Variants in TMTC2 observed in about 807,000 individuals in gnomAD.
TMTC2 encodes the protein transmembrane O-mannosyltransferase targeting cadherins 2.
A neutral mutation model predicts 82.4 loss-of-function variants in TMTC2; 43 were observed. The observed-to-expected ratio is 0.52, with a 90% CI of 0.41 to 0.67. The LOEUF is 0.67. TMTC2 is among the 30% of genes least tolerant of loss of function. The probability of loss-of-function intolerance (pLI) is 0.00; values close to 1 mark genes in which losing one functional copy is unlikely to be tolerated. For missense variants in TMTC2, 919 were observed against 1,012.4 expected (o/e 0.91, Z 1.25); for synonymous variants, 408 against 381.9 (o/e 1.07, Z -0.80).
chr12:82,932,567 C>T (rs1391687792), intron 4 of TMTC2, among the ~76,000 whole-genome samples: 3 of 151,998 alleles, frequency 2.0e-5, no homozygotes, highest in Admixed American at 6.6e-5. Flanking sequence ...TGTTATATTA[C>T]TATATTTTTT....
In TMTC2 at chr12:82,898,761, C is replaced by G. The variant is rs12299965; in HGVS notation, c.1483+2115C>G. Among the ~76,000 whole-genome samples the G allele has an allele frequency of 5.8e-3, 888 of 152,260 alleles. 15 individuals are homozygous for G. Among genetic ancestry groups the G allele is most frequent in the African/African-American group, 0.02 (843 of 41,534 alleles). Reference sequence around the variant, plus strand: ...TATTGCAGAAATTGCACACACCATGCTTGTTCACAGACCACTGGGCACACC... The same window carrying G: ...TATTGCAGAAATTGCACACACCATGGTTGTTCACAGACCACTGGGCACACC... On this transcript the variant is annotated intron_variant, in intron 3 of 11. Coordinates refer to ENST00000321196, the MANE Select transcript of TMTC2 (RefSeq NM_152588.3).
chr12:83,065,795 A>G (rs1882898742), intron 11 of TMTC2, among the ~76,000 whole-genome samples: 2 of 151,974 alleles, frequency 1.3e-5, no homozygotes, highest in Admixed American at 1.3e-4. Context: ...TCCTGTGGGA[A>G]TTAAGCCAAA....
chr12:82,869,646 C>T (rs1270020188), intron 2 of TMTC2, among the ~76,000 whole-genome samples: 1 of 151,882 alleles, frequency 6.6e-6, no homozygotes, highest in Non-Finnish European at 1.5e-5. Flanking sequence ...CGAGACCAGC[C>T]TGAGCAACAT....
intron 2 of TMTC2, among the ~76,000 whole-genome samples, chr12:82,871,363 GA>G (rs1434766074): frequency 7.8e-6 from 1 of 127,926 alleles, no homozygotes; most frequent in Non-Finnish European, 1.5e-5. Flanking sequence ...AAGAAACAAT[GA>G]TTTTTTTTTT....
chr12:82,778,643 A>G (rs1877719413), intron 1 of TMTC2, among the ~76,000 whole-genome samples: 1 of 151,962 alleles, frequency 6.6e-6, no homozygotes, highest in African/African-American at 2.4e-5. Context: ...AGGTCAGGAG[A>G]TCGAGACCAT....
intron 1 of TMTC2, among the ~76,000 whole-genome samples, chr12:82,711,008 T>C (rs1873593541): frequency 6.6e-6 from 1 of 152,236 alleles, no homozygotes; most frequent in Non-Finnish European, 1.5e-5. Flanking sequence ...TTTGGTTTCC[T>C]ACATGACATC....
At chr12:82,991,750 T>C (rs186419239) in intron 8 of TMTC2, among the ~76,000 whole-genome samples, 190 of 152,344 alleles carry the variant, frequency 1.2e-3, no homozygotes, top group Non-Finnish European at 2.2e-3. Context: ...AATTTAAAAT[T>C]GGGCATGCTA....
chr12:82,826,657 C>A (rs1869436827), intron 1 of TMTC2, among the ~76,000 whole-genome samples: 1 of 152,116 alleles, frequency 6.6e-6, no homozygotes, highest in African/African-American at 2.4e-5. Context: ...GGTAGAAAGT[C>A]TTTCTTAATT....
At chr12:82,896,759 T>G (rs1326715813) in intron 3 of TMTC2, 113 bp downstream of exon 3, 1 of 724,936 alleles carries the variant, frequency 1.4e-6, no homozygotes, top group African/African-American at 1.8e-5. Flanking sequence ...TTTTATGCAG[T>G]ACCTGTATCT....
chr12:82,804,860 A>G lies in TMTC2; in HGVS notation c.84-52150A>G, dbSNP rs1377182578. The stretch of plus-strand genomic sequence containing the variant: ...CTAAGAGTGTACATGGGCCCTACGT[A>G]AACACAGTGGATTGCTCCTGTTAGA... On this transcript the variant is annotated intron_variant, in intron 1 of 11. Transcript: ENST00000321196. 2.6e-5 allele frequency among the ~76,000 whole-genome samples: 4 copies of G among 152,156 alleles called. No homozygotes were observed. The East Asian group carries it at 7.7e-4, about 29-fold the overall frequency.
At chr12:83,108,072 T>A (rs1422557201) in intron 11 of TMTC2, among the ~76,000 whole-genome samples, 1 of 152,148 alleles carries the variant, frequency 6.6e-6, no homozygotes, top group Admixed American at 6.5e-5. Context: ...CTTCTTGCCA[T>A]AATTATGTTT....
intron 4 of TMTC2, among the ~76,000 whole-genome samples, chr12:82,936,326 A>T (rs576223686): frequency 6.6e-6 from 1 of 152,136 alleles, no homozygotes; most frequent in African/African-American, 2.4e-5. Context: ...CTTCTTATGT[A>T]TTTTTTATGA....
At chr12:83,015,911 C>A (rs1880657131) in intron 8 of TMTC2, among the ~76,000 whole-genome samples, 1 of 152,148 alleles carries the variant, frequency 6.6e-6, no homozygotes, top group African/African-American at 2.4e-5. Flanking sequence ...TTTCCCCTTT[C>A]CACCTAGTTT....
rs1491299945 is a variant in TMTC2 at position 83,115,648 on chromosome 12, T to TTTTTTTTATTA, written c.2332-16555_2332-16554insATTATTTTTTT. On this transcript the variant is annotated intron_variant, in intron 11 of 11. Coordinates refer to ENST00000321196, the MANE Select transcript of TMTC2 (RefSeq NM_152588.3). ...ATCTAGGTTTTCCTTTTTTTTATTA[T>TTTTTTTTATTA]TTTTTTTTTTATTTCTATAGGTTAT... 1.8e-3 allele frequency among the ~76,000 whole-genome samples: 35 copies of TTTTTTTTATTA among 19,616 alleles called. No individual in the cohort carries two copies. In the African/African-American group the frequency reaches 0.022, roughly 12 times the overall value. The allele number at this position is 19,616 out of a possible 152,430, so 12.9% of individuals were successfully genotyped here.
chr12:82,865,807 C>G (rs1396108017), intron 2 of TMTC2, among the ~76,000 whole-genome samples: 1 of 152,166 alleles, frequency 6.6e-6, no homozygotes, highest in African/African-American at 2.4e-5. Flanking sequence ...TTATAACAAA[C>G]TGTCTCTCAG....
intron 1 of TMTC2, among the ~76,000 whole-genome samples, chr12:82,767,538 A>C (rs1030576252): frequency 6.6e-6 from 1 of 152,136 alleles, no homozygotes; most frequent in Non-Finnish European, 1.5e-5. Flanking sequence ...GTGAGCTGTG[A>C]TCACACCACT....
At chr12:82,812,751 T>G (rs1868470304) in intron 1 of TMTC2, among the ~76,000 whole-genome samples, 2 of 147,986 alleles carry the variant, frequency 1.4e-5, no homozygotes, top group African/African-American at 4.9e-5. Flanking sequence ...TTGCTCTTAT[T>G]TTTTTTATGA....
intron 3 of TMTC2, among the ~76,000 whole-genome samples, chr12:82,906,614 A>C (rs1026499230): frequency 3.9e-5 from 6 of 152,080 alleles, no homozygotes; most frequent in African/African-American, 1.4e-4. Flanking sequence ...GCTTGAACCC[A>C]GGAGGCGGAG....
At chr12:82,978,309 A>G (rs1878769503) in intron 7 of TMTC2, among the ~76,000 whole-genome samples, 1 of 151,738 alleles carries the variant, frequency 6.6e-6, no homozygotes, top group Non-Finnish European at 1.5e-5. Context: ...ATGATTATCC[A>G]TTTTGGAGAT....
Sources: allele counts gnomAD v4.1 joint callset (sites outside exome capture counted in the v4.1 genomes callset), GRCh38; gene constraint gnomAD v4.1.1; transcripts MANE v1.5; gene names NCBI Gene and HGNC (gene_info 2026-07-23, HGNC 2026-07-21).